The following ARB2A variants were observed in gnomAD, a reference collection of about 807,000 sequenced individuals.
ARB2A encodes the protein ARB2 cotranscriptional regulator A, also known as cotranscriptional regulator ARB2A.
chr5:93,806,142 G>C, the ARB2A span, among the ~76,000 whole-genome samples: 2 of 151,860 alleles, frequency 1.3e-5, no homozygotes, highest in Non-Finnish European at 2.9e-5. Context: ...AGCTACACTT[G>C]CACCAAGTTG....
the ARB2A span, among the ~76,000 whole-genome samples, chr5:93,971,569 A>AAAATAAATAAATAAATAAAT: frequency 1.0e-4 from 14 of 139,356 alleles, no homozygotes; most frequent in Non-Finnish European, 1.5e-4. Flanking sequence ...CTCCGTCTCA[A>AAAATAAATAAATAAATAAAT]AAATAAATAA....
chr5:94,082,453 T>C, the ARB2A span, among the ~76,000 whole-genome samples: 1 of 152,182 alleles, frequency 6.6e-6, no homozygotes, highest in Non-Finnish European at 1.5e-5. Flanking sequence ...CTTGAGCATA[T>C]AATCAAGCAG....
At chr5:93,668,644 T>G in the ARB2A span, among the ~76,000 whole-genome samples, 1 of 142,578 alleles carries the variant, frequency 7.0e-6, no homozygotes, top group Non-Finnish European at 1.5e-5. Flanking sequence ...ATGGTATTTG[T>G]TTTTTTTGAG....
At chr5:93,724,169 G>A in the ARB2A span, among the ~76,000 whole-genome samples, 1 of 151,458 alleles carries the variant, frequency 6.6e-6, no homozygotes, top group Non-Finnish European at 1.5e-5. Context: ...GGTGAATGGA[G>A]TTGTTAACCT....
chr5:93,754,320 C>T, the ARB2A span, among the ~76,000 whole-genome samples: 2 of 152,198 alleles, frequency 1.3e-5, no homozygotes, highest in Non-Finnish European at 2.9e-5. Flanking sequence ...GTCTCCCTTA[C>T]TAGAATGTAA....
chr5:93,942,730 A>G, the ARB2A span, among the ~76,000 whole-genome samples: 1 of 151,832 alleles, frequency 6.6e-6, no homozygotes, highest in Non-Finnish European at 1.5e-5. Flanking sequence ...TCAAAGAAAA[A>G]ATAAAACAAA....
chr5:93,687,868 T>C, the ARB2A span, among the ~76,000 whole-genome samples: 2 of 152,192 alleles, frequency 1.3e-5, no homozygotes, highest in Non-Finnish European at 2.9e-5. Context: ...TCTTCACTTT[T>C]TAAACCTCAG....
At chr5:93,620,668 G>T in the ARB2A span, 1 of 224,532 alleles carries the variant, frequency 4.5e-6, no homozygotes, top group Non-Finnish European at 8.7e-6. Flanking sequence ...GACCCGCAGC[G>T]CCCGCGCGGT....
the ARB2A span, among the ~76,000 whole-genome samples, chr5:94,042,558 G>A: frequency 6.6e-6 from 1 of 152,084 alleles, no homozygotes; most frequent in African/African-American, 2.4e-5. Context: ...ACCCACCTCG[G>A]CCTCTCAAAG....
the ARB2A span, among the ~76,000 whole-genome samples, chr5:93,706,537 A>C: frequency 6.6e-6 from 1 of 152,204 alleles, no homozygotes; most frequent in South Asian, 2.1e-4. Flanking sequence ...AAATGGCTAC[A>C]ATGGTGAATT....
the ARB2A span, among the ~76,000 whole-genome samples, chr5:93,816,551 T>G: frequency 6.6e-6 from 1 of 152,152 alleles, no homozygotes; most frequent in Admixed American, 6.6e-5. Flanking sequence ...GTGACCAATC[T>G]CTCAGCTACA....
the ARB2A span, among the ~76,000 whole-genome samples, chr5:93,955,582 T>C: frequency 6.6e-6 from 1 of 152,250 alleles, no homozygotes; most frequent in South Asian, 2.1e-4. Flanking sequence ...AGATCACTTA[T>C]AGATAGTATT....
chr5:93,698,156 C>T, the ARB2A span, among the ~76,000 whole-genome samples: 1 of 152,086 alleles, frequency 6.6e-6, no homozygotes, highest in Non-Finnish European at 1.5e-5. Context: ...AAGACGGAGC[C>T]TGAAGTTTTT....
chr5:94,030,518 C>T, the ARB2A span, among the ~76,000 whole-genome samples: 1 of 152,220 alleles, frequency 6.6e-6, no homozygotes, highest in Non-Finnish European at 1.5e-5. Flanking sequence ...GAATCCTTCT[C>T]ATGTGTGGAA....
the ARB2A span, among the ~76,000 whole-genome samples, chr5:93,657,651 C>T: frequency 6.6e-6 from 1 of 152,098 alleles, no homozygotes; most frequent in African/African-American, 2.4e-5. Context: ...TAAAACAAGA[C>T]ATAGGTGTCA....
the ARB2A span, among the ~76,000 whole-genome samples, chr5:93,708,853 C>T: frequency 6.6e-5 from 10 of 152,308 alleles, no homozygotes; most frequent in African/African-American, 2.4e-4. Context: ...GTAACCCTCT[C>T]ATCTGGGTAC....
chr5:93,880,750 C>T, the ARB2A span, among the ~76,000 whole-genome samples: 1 of 151,726 alleles, frequency 6.6e-6, no homozygotes, highest in African/African-American at 2.4e-5. Context: ...GTGCCCCCTA[C>T]AGAATTAGAA....
At chr5:93,981,400 G>A in the ARB2A span, among the ~76,000 whole-genome samples, 1 of 151,774 alleles carries the variant, frequency 6.6e-6, no homozygotes, top group Non-Finnish European at 1.5e-5. Flanking sequence ...CATTTCCTCT[G>A]CTTGATGTAA....
chr5:93,873,305 G>C, the ARB2A span, among the ~76,000 whole-genome samples: 370 of 68,122 alleles, frequency 5.4e-3, 21 homozygotes, highest in African/African-American at 0.02. Flanking sequence ...AAAAAAAGGG[G>C]GGGGGGAAAG....
Sources: allele counts gnomAD v4.1 joint callset (sites outside exome capture counted in the v4.1 genomes callset), GRCh38; gene constraint gnomAD v4.1.1; transcripts MANE v1.5; gene names NCBI Gene and HGNC (gene_info 2026-07-23, HGNC 2026-07-21).